ROBO2: variants seen among roughly 807,000 people sequenced by gnomAD.
ROBO2 encodes the protein roundabout guidance receptor 2.
In ROBO2, 53 loss-of-function variants were observed where a neutral mutation model predicts 160.8. The observed-to-expected ratio is 0.33, with a 90% CI of 0.26 to 0.41. The LOEUF is 0.41. Among genes scored for constraint, ROBO2 ranks in the 10% least tolerant of loss-of-function variants. The pLI, the probability that ROBO2 is intolerant of heterozygous loss-of-function variation, is 1.00. For synonymous variants in ROBO2, 664 were observed against 611.7 expected (o/e 1.09, Z -1.26); for missense variants, 1,577 against 1,722.4 (o/e 0.92, Z 1.49).
chr3:77,069,040 A>G (rs2067144037), intron 1 of ROBO2, among the ~76,000 whole-genome samples: 1 of 152,176 alleles, frequency 6.6e-6, no homozygotes, highest in African/African-American at 2.4e-5. Flanking sequence ...GTCTATGGCT[A>G]CCTTCTTTCT....
chr3:76,567,070 C>A (rs1353411017), intron 2 of ROBO2, among the ~76,000 whole-genome samples: 1 of 152,168 alleles, frequency 6.6e-6, no homozygotes, highest in Admixed American at 6.5e-5. Context: ...TTAACACCAA[C>A]ACAGCAGGGA....
At chr3:76,006,362 A>G (rs1011014098) in intron 2 of ROBO2, among the ~76,000 whole-genome samples, 1 of 152,140 alleles carries the variant, frequency 6.6e-6, no homozygotes, top group Non-Finnish European at 1.5e-5. Context: ...GCTGCCATCA[A>G]GGACACATTT....
chr3:76,111,800 G>GAC (rs1240906525), intron 2 of ROBO2, among the ~76,000 whole-genome samples: 1 of 151,846 alleles, frequency 6.6e-6, no homozygotes, highest in African/African-American at 2.4e-5. Flanking sequence ...TGAGGGCAGC[G>GAC]ACTCTCTCTC....
chr3:76,054,736 C>G (rs1293016362), intron 2 of ROBO2, among the ~76,000 whole-genome samples: 1 of 152,138 alleles, frequency 6.6e-6, no homozygotes, highest in Non-Finnish European at 1.5e-5. Context: ...TAATTTTAAA[C>G]ATGGAAGTTT....
intron 2 of ROBO2, among the ~76,000 whole-genome samples, chr3:76,821,705 A>T (rs1447931489): frequency 6.6e-6 from 1 of 152,010 alleles, no homozygotes; most frequent in Non-Finnish European, 1.5e-5. Context: ...TCTCAGTAGT[A>T]TTGCTTGCAT....
At chr3:76,027,995 T>G (rs1163575362) in intron 2 of ROBO2, among the ~76,000 whole-genome samples, 1 of 151,946 alleles carries the variant, frequency 6.6e-6, no homozygotes, top group Non-Finnish European at 1.5e-5. Context: ...TAGATTAATA[T>G]GGCTAAATGT....
chr3:76,999,482 C>G (rs774391146), intron 2 of ROBO2, among the ~76,000 whole-genome samples: 2 of 152,098 alleles, frequency 1.3e-5, no homozygotes, highest in Non-Finnish European at 2.9e-5. Flanking sequence ...TACAACAGAA[C>G]AGAGTCAAAT....
At chr3:77,262,385 A>G (rs946392704) in intron 2 of ROBO2, among the ~76,000 whole-genome samples, 1 of 152,190 alleles carries the variant, frequency 6.6e-6, no homozygotes, top group Non-Finnish European at 1.5e-5. Flanking sequence ...AGTAAGATAA[A>G]TGATCAATTG....
intron 2 of ROBO2, among the ~76,000 whole-genome samples, chr3:77,454,360 C>A (rs2081405814): frequency 1.3e-5 from 2 of 152,154 alleles, no homozygotes; most frequent in African/African-American, 4.8e-5. Context: ...AATTTCTACA[C>A]ATTTCCACTG....
intron 2 of ROBO2, among the ~76,000 whole-genome samples, chr3:76,785,306 A>G (rs932644342): frequency 6.6e-6 from 1 of 151,138 alleles, no homozygotes; most frequent in African/African-American, 2.4e-5. Flanking sequence ...AATTGTTTGT[A>G]TTCTGGGAGT....
At chr3:76,301,536 A>G (rs1709356508) in intron 2 of ROBO2, among the ~76,000 whole-genome samples, 1 of 152,114 alleles carries the variant, frequency 6.6e-6, no homozygotes, top group African/African-American at 2.4e-5. Flanking sequence ...CTTATGAAAT[A>G]AGATCATTTT....
intron 2 of ROBO2, among the ~76,000 whole-genome samples, chr3:77,386,969 T>C (rs2074185831): frequency 6.6e-6 from 1 of 152,004 alleles, no homozygotes; most frequent in Admixed American, 6.6e-5. Flanking sequence ...GAGTTTGAAG[T>C]ATTTCTGACT....
chr3:76,218,347 C>G (rs1703709845), intron 2 of ROBO2, among the ~76,000 whole-genome samples: 1 of 152,120 alleles, frequency 6.6e-6, no homozygotes, highest in Admixed American at 6.6e-5. Flanking sequence ...AAAGGGCATT[C>G]AATTAGGAAA....
intron 2 of ROBO2, among the ~76,000 whole-genome samples, chr3:76,506,330 A>AT (rs2080796481): frequency 6.6e-6 from 1 of 152,118 alleles, no homozygotes; most frequent in African/African-American, 2.4e-5. Context: ...CCAAGATTGC[A>AT]TTTTGACCTC....
At chr3:76,393,102 T>A (rs1490189236) in intron 2 of ROBO2, among the ~76,000 whole-genome samples, 1 of 152,134 alleles carries the variant, frequency 6.6e-6, no homozygotes, top group African/African-American at 2.4e-5. Context: ...AACAGTAAAA[T>A]CCAGTGTTTC....
intron 2 of ROBO2, among the ~76,000 whole-genome samples, chr3:77,199,173 A>C (rs1247362171): frequency 2.0e-5 from 3 of 152,220 alleles, no homozygotes; most frequent in African/African-American, 7.2e-5. Context: ...CATCTCATGC[A>C]AGATTCCTTC....
intron 2 of ROBO2, among the ~76,000 whole-genome samples, chr3:76,690,816 A>G (rs987534327): frequency 6.6e-6 from 1 of 152,082 alleles, no homozygotes; most frequent in African/African-American, 2.4e-5. Context: ...GTATCTGTGA[A>G]GACAGGAAAT....
At chr3:77,096,020 A>C (rs1479037042) in intron 1 of ROBO2, among the ~76,000 whole-genome samples, 1 of 152,186 alleles carries the variant, frequency 6.6e-6, no homozygotes, top group Non-Finnish European at 1.5e-5. Context: ...GTGATTAAAA[A>C]AATAGCAACT....
At chr3:76,927,051 A>G (rs1383022110) in intron 2 of ROBO2, among the ~76,000 whole-genome samples, 2 of 152,164 alleles carry the variant, frequency 1.3e-5, no homozygotes, top group African/African-American at 2.4e-5. Flanking sequence ...AAGACATGAG[A>G]TTATTGAGAA....
Sources: allele counts gnomAD v4.1 joint callset (sites outside exome capture counted in the v4.1 genomes callset), GRCh38; gene constraint gnomAD v4.1.1; transcripts MANE v1.5; gene names NCBI Gene and HGNC (gene_info 2026-07-23, HGNC 2026-07-21).